UBE2E2: variants seen among roughly 807,000 people sequenced by gnomAD.
UBE2E2 encodes ubiquitin conjugating enzyme E2 E2.
A neutral mutation model predicts 24.7 loss-of-function variants in UBE2E2; 6 were observed. The observed-to-expected ratio is 0.24, with a 90% confidence interval of 0.13 to 0.48. The LOEUF is 0.48. Ranked by LOEUF, UBE2E2 falls within the 20% of genes least tolerant of loss-of-function variation. UBE2E2 has a pLI of 0.99. For synonymous variants in UBE2E2, 104 were observed against 83.6 expected (o/e 1.24, Z -1.33); for missense variants, 169 against 245.0 (o/e 0.69, Z 2.07).
At chr3:23,221,176 G>A (rs1696625794) in intron 3 of UBE2E2, among the ~76,000 whole-genome samples, 1 of 152,134 alleles carries the variant, frequency 6.6e-6, no homozygotes, top group Non-Finnish European at 1.5e-5. Flanking sequence ...CAAGTAAAAG[G>A]AGGAAGTAAA....
intron 3 of UBE2E2, among the ~76,000 whole-genome samples, chr3:23,498,011 A>G (rs941821209): frequency 1.3e-5 from 2 of 151,896 alleles, no homozygotes; most frequent in East Asian, 1.9e-4. Context: ...CTGAATTTTG[A>G]TTTTCAGTTT....
rs1461582012 is a variant in UBE2E2 at position 23,589,979 on chromosome 3, C to G, written c.*148C>G. The G allele has an allele frequency of 1.6e-6, 1 of 643,796 alleles. No homozygotes were observed. The highest frequency in any genetic ancestry group is 2.6e-6 in the Non-Finnish European group (1 of 379,968). 39.9% of individuals were successfully genotyped at this position (643,796 alleles called of 1,614,324 possible). On this transcript the variant is annotated 3_prime_UTR_variant, in exon 6 of 6. Coordinates refer to ENST00000396703, the MANE Select transcript of UBE2E2 (RefSeq NM_152653.4). This position sits in a 1 kb window ranked among gnomAD's most constrained non-coding sequence, Gnocchi z 4.1. Reference sequence around the variant, plus strand: ...TTTGTGATGGTATGTTGTCCATCTTCCCATCCCAGTTCTTCCTGCCCCCCT... The same window carrying G: ...TTTGTGATGGTATGTTGTCCATCTTGCCATCCCAGTTCTTCCTGCCCCCCT...
chr3:23,549,491 A>C (rs941940902), intron 5 of UBE2E2, among the ~76,000 whole-genome samples: 2 of 152,204 alleles, frequency 1.3e-5, no homozygotes, highest in Admixed American at 6.5e-5. Context: ...AGCTGTCAAG[A>C]AAGCCAGAGC....
At chr3:23,476,574 G>T (rs749811469) in intron 3 of UBE2E2, among the ~76,000 whole-genome samples, 1 of 152,000 alleles carries the variant, frequency 6.6e-6, no homozygotes, top group Non-Finnish European at 1.5e-5. Flanking sequence ...ATGTGCCTGC[G>T]GTCCCAGCTA....
intron 4 of UBE2E2, among the ~76,000 whole-genome samples, chr3:23,530,144 C>A (rs944824415): frequency 6.6e-6 from 1 of 152,108 alleles, no homozygotes; most frequent in Non-Finnish European, 1.5e-5. Flanking sequence ...AATGTCAATT[C>A]TTTGAAATAT....
intron 3 of UBE2E2, among the ~76,000 whole-genome samples, chr3:23,363,617 T>G (rs912967735): frequency 1.3e-5 from 2 of 152,208 alleles, no homozygotes; most frequent in African/African-American, 4.8e-5. Context: ...AATATATATG[T>G]ACCCACCCCT....
chr3:23,294,542 A>T (rs1575538892), intron 3 of UBE2E2, among the ~76,000 whole-genome samples: 1 of 137,592 alleles, frequency 7.3e-6, no homozygotes, highest in East Asian at 2.2e-4. Context: ...CAGCGTTTAG[A>T]TTATTTGTAT....
chr3:23,238,270 C>G (rs994612007), intron 3 of UBE2E2, among the ~76,000 whole-genome samples: 1 of 152,112 alleles, frequency 6.6e-6, no homozygotes, highest in African/African-American at 2.4e-5. Flanking sequence ...TCCTTAGTGT[C>G]AAAACCTGAG....
At chr3:23,309,063 C>T (rs558452347) in intron 3 of UBE2E2, among the ~76,000 whole-genome samples, 2 of 152,358 alleles carry the variant, frequency 1.3e-5, no homozygotes, top group Admixed American at 1.3e-4. Flanking sequence ...TAGCTGTGCT[C>T]ACAGCCAGTT....
At chr3:23,388,993 C>G (rs549532385) in intron 3 of UBE2E2, among the ~76,000 whole-genome samples, 4 of 143,556 alleles carry the variant, frequency 2.8e-5, no homozygotes, top group Non-Finnish European at 4.5e-5. Context: ...CAGAGCAAGA[C>G]TCCATTTCCA....
chr3:23,366,367 C>A (rs1696255805), intron 3 of UBE2E2, among the ~76,000 whole-genome samples: 1 of 152,158 alleles, frequency 6.6e-6, no homozygotes, highest in African/African-American at 2.4e-5. Flanking sequence ...GTGTGCTCAT[C>A]ACAGCACTAT....
At chr3:23,496,776 C>A (rs1498810) in intron 3 of UBE2E2, among the ~76,000 whole-genome samples, 27,936 of 151,920 alleles carry the variant, frequency 0.18, 2,619 homozygotes, top group Middle Eastern at 0.23. Context: ...GTAGTGTATA[C>A]CTGGGAGTAT....
chr3:23,211,612 T>C (rs1010711991), intron 2 of UBE2E2, among the ~76,000 whole-genome samples: 2 of 151,992 alleles, frequency 1.3e-5, no homozygotes, highest in African/African-American at 2.4e-5. Flanking sequence ...CTCAGGCTGG[T>C]CTTGAACTCA....
At chr3:23,303,239 C>G (rs1559340358) in intron 3 of UBE2E2, among the ~76,000 whole-genome samples, 1 of 152,062 alleles carries the variant, frequency 6.6e-6, no homozygotes, top group East Asian at 1.9e-4. Context: ...AAGACGAACT[C>G]AGGTCTCCCA....
chr3:23,350,283 G>A (rs1270310466), intron 3 of UBE2E2, among the ~76,000 whole-genome samples: 14 of 152,132 alleles, frequency 9.2e-5, no homozygotes, highest in Non-Finnish European at 1.9e-4. Flanking sequence ...ACAAAGATGG[G>A]GAGAAAACAG....
At chr3:23,305,963 T>C (rs897785004) in intron 3 of UBE2E2, among the ~76,000 whole-genome samples, 13 of 152,214 alleles carry the variant, frequency 8.5e-5, no homozygotes, top group African/African-American at 3.1e-4. Context: ...GAAACTTTGC[T>C]CATTTTTCTA....
At chr3:23,245,684 G>A (rs571693597) in intron 3 of UBE2E2, among the ~76,000 whole-genome samples, 1 of 152,234 alleles carries the variant, frequency 6.6e-6, no homozygotes, top group Admixed American at 6.5e-5. Flanking sequence ...AGCCAATTTT[G>A]TTTAGTAATA....
At chr3:23,380,500 A>G (rs1696641413) in intron 3 of UBE2E2, among the ~76,000 whole-genome samples, 1 of 152,222 alleles carries the variant, frequency 6.6e-6, no homozygotes, top group Non-Finnish European at 1.5e-5. Context: ...CTGGGATTAT[A>G]GACGTGAGCC....
chr3:23,417,230 G>A (rs1311962307), intron 3 of UBE2E2, among the ~76,000 whole-genome samples: 1 of 152,158 alleles, frequency 6.6e-6, no homozygotes, highest in Admixed American at 6.5e-5. Context: ...TTCAGATGGG[G>A]TTTCTGTGTG....
Sources: gnomAD v4.1 joint callset for allele counts (sites outside exome capture counted in the v4.1 genomes callset) on GRCh38, gnomAD v4.1.1 for gene constraint, Gnocchi (gnomAD v3.1) non-coding constraint, MANE v1.5 for transcripts, NCBI Gene and HGNC (gene_info 2026-07-23, HGNC 2026-07-21) for gene names.